Variants in MYH13 observed in about 807,000 individuals in gnomAD.
MYH13 encodes myosin-13.
In MYH13, 177 loss-of-function variants were observed where a neutral mutation model predicts 232.1. The ratio of observed to expected loss-of-function variants is 0.76; its 90% CI spans 0.67 to 0.86. The LOEUF is 0.86. Among genes scored for constraint, MYH13 ranks in the 40% least tolerant of loss-of-function variants. The pLI, the probability that MYH13 is intolerant of heterozygous loss-of-function variation, is 0.00. For missense variants in MYH13, 2,246 were observed against 2,405.9 expected (o/e 0.93, Z 1.39); for synonymous variants, 884 against 923.5 (o/e 0.96, Z 0.78).
chr17:10,364,502 A>C lies in MYH13; in HGVS notation c.29T>G (p.Phe10Cys). 6.2e-7 allele frequency: 1 copy of C among 1,605,646 alleles called. No homozygotes were observed. Among genetic ancestry groups the C allele is most frequent in the South Asian group, 1.1e-5 (1 of 89,354 alleles). The change falls in exon 3 of 41, where the codon TTT becomes TGT. Residue 10 changes from phenylalanine (F) to cysteine (C), a missense_variant. Phe to Cys is a radical substitution (Grantham distance 205, BLOSUM62 -2). Transcript: ENST00000252172. MSSDAEMAI[F>C]GEAAPYLRKP... ...CCGGAGGTAGGGAGCTGCTTCTCCA[A>C]AAATGGCCATTTCTGCGTCAGAGCT...
At position 10,300,927 on chromosome 17, in the gene MYH13, A is replaced by G. The variant is rs947789655; in HGVS notation, c.*24T>C. ...CCCTCCACTCTCTCGGAGGTGTCCC[A>G]TGGCAACGAGCATCAGGTGAGCCTC... On this transcript the variant is annotated 3_prime_UTR_variant, in exon 41 of 41. Coordinates refer to ENST00000252172, the MANE Select transcript of MYH13 (RefSeq NM_003802.3). 1.2e-6 allele frequency: 2 copies of G among 1,611,660 alleles called. No individual in the cohort carries two copies. Among genetic ancestry groups the G allele is most frequent in the African/African-American group, 2.7e-5 (2 of 74,824 alleles).
chr17:10,310,140 G>GA (rs1394021737), intron 33 of MYH13, among the ~76,000 whole-genome samples: 1 of 150,334 alleles, frequency 6.7e-6, no homozygotes, highest in Non-Finnish European at 1.5e-5. Context: ...GCCCAGGCTG[G>GA]AGTGCAGTGG....
At position 10,364,428 on chromosome 17, in the gene MYH13, T is replaced by G; in HGVS notation, c.103A>C (p.Lys35Gln). 6.2e-7 allele frequency: 1 copy of G among 1,613,610 alleles called. No homozygotes were observed. The highest frequency in any genetic ancestry group is 8.5e-7 in the Non-Finnish European group (1 of 1,179,750). ...TTATCCGCTACAAAGCAGGCTTTCT[T>G]GGAATCGAATGGACGATTTTGAGCC... ...IEAQNRPFDSKKACFVADNKE... is the reference protein window; with the variant it reads ...IEAQNRPFDSQKACFVADNKE... The change falls in exon 3 of 41, where the codon AAG (lysine) becomes CAG (glutamine). Residue 35 changes from lysine to glutamine, a missense_variant. Physicochemically the swap from Lys to Gln is moderately conservative, Grantham distance 53. Coordinates refer to ENST00000252172, the MANE Select transcript of MYH13 (RefSeq NM_003802.3).
Position 10,345,239 on chromosome 17 carries a change from C to G in MYH13, c.1547G>C (p.Gly516Ala). 1 of 1,614,164 alleles carries G rather than the reference C, an allele frequency of 6.2e-7. No individual in the cohort carries two copies. The highest frequency in any genetic ancestry group is 8.5e-7 in the Non-Finnish European group (1 of 1,180,016). The change falls in exon 15 of 41, where the codon GGA becomes GCA. Residue 516 changes from glycine to alanine, a missense_variant. Coordinates refer to ENST00000252172, the MANE Select transcript of MYH13 (RefSeq NM_003802.3). ...EGIEWEFIDFGMDLAACIELI... is the reference protein window; with the variant it reads ...EGIEWEFIDFAMDLAACIELI... ...CTCGATGCAGGCAGCCAGGTCCATT[C>G]CGAAGTCAATGAACTCCCACTCGAT... is the stretch of plus-strand genomic sequence containing the variant.
At chr17:10,310,616 G>C (rs953638729) in intron 33 of MYH13, among the ~76,000 whole-genome samples, 1 of 152,144 alleles carries the variant, frequency 6.6e-6, no homozygotes, top group Non-Finnish European at 1.5e-5. Context: ...TAAATCAGGA[G>C]TCAACCTATT....
chr17:10,329,122 C>A (rs1907324450), intron 21 of MYH13, among the ~76,000 whole-genome samples: 1 of 152,158 alleles, frequency 6.6e-6, no homozygotes, highest in Admixed American at 6.5e-5. Flanking sequence ...CTTTTCATCT[C>A]CGTGCTGGCT....
intron 5 of MYH13, among the ~76,000 whole-genome samples, chr17:10,360,447 C>T (rs1423830931): frequency 6.6e-6 from 1 of 152,168 alleles, no homozygotes; most frequent in East Asian, 1.9e-4. Context: ...AGAAGTTACT[C>T]ATGTTTATAG....
chr17:10,306,870 C>T lies in MYH13; in HGVS notation c.5295+69G>A, dbSNP rs1011483107. The T allele has an allele frequency of 1.2e-6, 2 of 1,603,594 alleles. No homozygotes were observed. The highest frequency in any genetic ancestry group is 1.7e-5 in the Admixed American group (1 of 59,064). On this transcript the variant is annotated intron_variant, in intron 36 of 40. Transcript: ENST00000252172. The surrounding 1 kb of genome is among the most constrained non-coding windows in gnomAD (Gnocchi z 4.3). ...CATAAGAGATGAAACATACTTGCCA[C>T]ACCCTGGCTCAGAGGCCCCACTTTC...
chr17:10,362,511 T>A lies in MYH13; in HGVS notation c.205-8A>T. The stretch of plus-strand genomic sequence containing the variant: ...ATTGTTCAGAGTGAGCATCTGGGTA[T>A]TGAGAGGAAAAGCAGGTAATAAATT... On this transcript the variant is annotated splice_region_variant and splice_polypyrimidine_tract_variant and intron_variant, in intron 3 of 40. Transcript: ENST00000252172. 6.2e-7 allele frequency: 1 copy of A among 1,614,020 alleles called. No homozygotes were observed. Among genetic ancestry groups the A allele is most frequent in the Non-Finnish European group, 8.5e-7 (1 of 1,179,998 alleles).
At position 10,364,512 on chromosome 17, in the gene MYH13, T is replaced by C; in HGVS notation, c.19A>G (p.Met7Val). 1 of 1,599,944 alleles carries C rather than the reference T, an allele frequency of 6.3e-7. No individual in the cohort carries two copies. Among genetic ancestry groups the C allele is most frequent in the Non-Finnish European group, 8.5e-7 (1 of 1,172,416 alleles). The change falls in exon 3 of 41, where the codon ATG becomes GTG. Residue 7 changes from methionine (M) to valine (V), a missense_variant. Physicochemically the swap from Met to Val is conservative, Grantham distance 21. Coordinates refer to ENST00000252172, the MANE Select transcript of MYH13 (RefSeq NM_003802.3). ...GGAGCTGCTTCTCCAAAAATGGCCA[T>C]TTCTGCGTCAGAGCTCATGACTGCA... Reference protein sequence around the residue: MSSDAEMAIFGEAAPYL... With the variant: MSSDAEVAIFGEAAPYL...
Position 10,311,990 on chromosome 17 carries a change from T to A in MYH13, c.4452A>T (p.Glu1484Asp), listed in dbSNP as rs770323060. 1 of 1,613,938 alleles carries A rather than the reference T, an allele frequency of 6.2e-7. No homozygotes were observed. Among genetic ancestry groups the A allele is most frequent in the Non-Finnish European group, 8.5e-7 (1 of 1,179,882 alleles). Residue 1484 changes from glutamate (E) to aspartate (D), a missense_variant, in exon 32 of 41, where the codon GAA becomes GAT. Glu to Asp is a conservative substitution (Grantham distance 45). Coordinates refer to ENST00000252172, the MANE Select transcript of MYH13 (RefSeq NM_003802.3). The stretch of plus-strand genomic sequence containing the variant: ...CATAGGCATTCCTCATCTTGAAGAG[T>A]TCAGTGCTGAGTGACCTGGACTCCT... ...AQKESRSLST[E>D]LFKMRNAYEE...
At chr17:10,353,520 T>C (rs1444832532) in intron 11 of MYH13, among the ~76,000 whole-genome samples, 2 of 152,100 alleles carry the variant, frequency 1.3e-5, no homozygotes, top group African/African-American at 4.8e-5. Flanking sequence ...ACAGACGGTA[T>C]ACTTTAATTA....
intron 2 of MYH13, among the ~76,000 whole-genome samples, chr17:10,365,335 T>A (rs575266881): frequency 6.6e-6 from 1 of 152,340 alleles, no homozygotes; most frequent in South Asian, 2.1e-4. Flanking sequence ...CATGAAGATT[T>A]GTCACATTTG....
intron 39 of MYH13, among the ~76,000 whole-genome samples, chr17:10,302,881 G>C (rs1906142322): frequency 6.6e-6 from 1 of 151,792 alleles, no homozygotes; most frequent in Admixed American, 6.6e-5. Flanking sequence ...GTTCGGGAGA[G>C]TCAGGGTGAT....
Position 10,327,913 on chromosome 17 carries a change from C to T in MYH13, c.2644G>A (p.Val882Ile), listed in dbSNP as rs1907270576. The T allele has an allele frequency of 6.2e-7, 1 of 1,613,816 alleles. No homozygotes were observed. The highest frequency in any genetic ancestry group is 2.2e-5 in the East Asian group (1 of 44,874). The change falls in exon 22 of 41, where the codon GTC becomes ATC. Residue 882 changes from valine (V) to isoleucine (I), a missense_variant. By Grantham distance (29) the Val-to-Ile change is conservative (BLOSUM62 3). Coordinates refer to ENST00000252172, the MANE Select transcript of MYH13 (RefSeq NM_003802.3). Reference sequence around the variant, plus strand: ...TCATTCTTCTCCTGCAGGAGGGAGACCATTTTCTCCTCCAGCTCCTTCCGG... The same window carrying T: ...TCATTCTTCTCCTGCAGGAGGGAGATCATTTTCTCCTCCAGCTCCTTCCGG... ...ARRKELEEKM[V>I]SLLQEKNDLQ...
intron 29 of MYH13, 47 bp downstream of exon 29, chr17:10,315,646 G>T: frequency 6.5e-7 from 1 of 1,532,754 alleles, no homozygotes; most frequent in Non-Finnish European, 9.0e-7. Context: ...GGGTGAAGTG[G>T]TCATATAGCC....
In MYH13 at chr17:10,342,980, C is replaced by T. The variant is rs1436032261; in HGVS notation, c.1894+820G>A. 2.6e-5 allele frequency among the ~76,000 whole-genome samples: 4 copies of T among 151,712 alleles called. No individual in the cohort carries two copies. In the East Asian group the frequency reaches 5.9e-4, roughly 22 times the overall value. Reference sequence around the variant, plus strand: ...TGGCGTGCGCCTGTAGTCCCAGCTACTTGGGAGGCTGAGGCAGGGGAATCG... The same window carrying T: ...TGGCGTGCGCCTGTAGTCCCAGCTATTTGGGAGGCTGAGGCAGGGGAATCG... On this transcript the variant is annotated intron_variant, in intron 16 of 40. Transcript: ENST00000252172.
At position 10,312,164 on chromosome 17, in the gene MYH13, A is replaced by G. The variant is rs575641668; in HGVS notation, c.4366-88T>C. The stretch of plus-strand genomic sequence containing the variant: ...CAAACAAGGGCTGTCAGTAACACCA[A>G]CGTTTTGCCCTTCCATCCTTAGGGA... On this transcript the variant is annotated intron_variant, in intron 31 of 40. Coordinates refer to ENST00000252172, the MANE Select transcript of MYH13 (RefSeq NM_003802.3). 2.3e-5 allele frequency: 34 copies of G among 1,450,314 alleles called. No individual in the cohort carries two copies. The African/African-American group carries it at 4.7e-4, about 20-fold the overall frequency. 89.8% of individuals were successfully genotyped at this position (1,450,314 alleles called of 1,614,324 possible).
At position 10,371,445 on chromosome 17, in the gene MYH13, A is replaced by G. The variant is rs557298870; in HGVS notation, c.-63-186T>C. On this transcript the variant is annotated intron_variant, in intron 1 of 40. Coordinates refer to ENST00000252172, the MANE Select transcript of MYH13 (RefSeq NM_003802.3). ...CTTTTGATTAAAATCATTATTCTTT[A>G]AATAGTTGGTTAATTACAACATTTA... 3.9e-5 allele frequency among the ~76,000 whole-genome samples: 6 copies of G among 152,394 alleles called. No individual in the cohort carries two copies. The East Asian group carries it at 1.2e-3, about 29-fold the overall frequency.
Sources: gnomAD v4.1 joint callset for allele counts (sites outside exome capture counted in the v4.1 genomes callset) on GRCh38, gnomAD v4.1.1 for gene constraint, Gnocchi (gnomAD v3.1) non-coding constraint, MANE v1.5 for transcripts, NCBI Gene and HGNC (gene_info 2026-07-23, HGNC 2026-07-21) for gene names.